Variants in KRT84 observed in about 807,000 individuals in gnomAD.
KRT84 encodes keratin, type II cuticular Hb4.
KRT84 carries 38 observed loss-of-function variants against 49.0 expected under a neutral mutation model. The observed-to-expected ratio is 0.78, with a 90% CI of 0.60 to 1.02. The LOEUF is 1.02. KRT84 is among the 50% of genes least tolerant of loss of function. KRT84 has a pLI of 0.00. For synonymous variants in KRT84, 334 were observed against 312.8 expected (o/e 1.07, Z -0.72); for missense variants, 860 against 788.6 (o/e 1.09, Z -1.08).
At position 52,381,462 on chromosome 12, in the gene KRT84, G is replaced by C; in HGVS notation, c.976C>G (p.Arg326Gly). The change falls in exon 5 of 9, where the codon CGT becomes GGT. Residue 326 changes from arginine to glycine, a missense_variant. Arg to Gly is a moderately radical substitution (Grantham distance 125, BLOSUM62 -2). Coordinates refer to ENST00000257951, the MANE Select transcript of KRT84 (RefSeq NM_033045.4). ...ATGATCCCATCAAGGTTCAGGTCAC[G>C]GCTGTTGTCCATCTTCACAATGACC... ...TSVIVKMDNS[R>G]DLNLDGIIAE... 6.2e-7 allele frequency: 1 copy of C among 1,614,120 alleles called. No individual in the cohort carries two copies. Among genetic ancestry groups the C allele is most frequent in the Non-Finnish European group, 8.5e-7 (1 of 1,180,020 alleles).
upstream of KRT84, chr12:52,385,695 T>G (rs1470064735): frequency 3.7e-6 from 4 of 1,080,982 alleles, no homozygotes; most frequent in Admixed American, 6.9e-5. Context: ...TGTGTGGTGA[T>G]CTGAGGCTTG....
rs747600631 is a variant in KRT84, at chr12:52,381,164, G to A, written c.1119C>T (p.Asn373=). The change falls in exon 6 of 9, where the codon AAC becomes AAT. Residue 373 remains asparagine, a synonymous_variant. Coordinates refer to ENST00000257951, the MANE Select transcript of KRT84 (RefSeq NM_033045.4). ...TGATCTCGTTCCGTATGTTGCGCAGGTTGTCACAGTGTTGGCCAGCTGTCA... is the reference window on the plus strand; with the variant it reads ...TGATCTCGTTCCGTATGTTGCGCAGATTGTCACAGTGTTGGCCAGCTGTCA... ...MQVTAGQHCD[N]LRNIRNEINE... 3.7e-6 allele frequency: 6 copies of A among 1,614,178 alleles called. No homozygotes were observed. Among genetic ancestry groups the A allele is most frequent in the Admixed American group, 1.7e-5 (1 of 60,024 alleles).
chr12:52,385,873 C>T (rs1565777670), upstream of KRT84, among the ~76,000 whole-genome samples: 1 of 152,176 alleles, frequency 6.6e-6, no homozygotes, highest in East Asian at 1.9e-4. Context: ...AACACATAAA[C>T]ATATAAACAT....
At chr12:52,380,992 T>G in intron 6 of KRT84, 88 bp downstream of exon 6, 1 of 1,518,002 alleles carries the variant, frequency 6.6e-7, no homozygotes, top group Non-Finnish European at 8.9e-7. Flanking sequence ...CTTGATGGTC[T>G]CCCTCACCTC....
upstream of KRT84, among the ~76,000 whole-genome samples, chr12:52,386,250 T>C (rs1054026253): frequency 3.3e-5 from 5 of 152,198 alleles, no homozygotes; most frequent in Non-Finnish European, 5.9e-5. Context: ...GACACATCTG[T>C]GATTTGAGAC....
intron 8 of KRT84, among the ~76,000 whole-genome samples, chr12:52,379,092 A>G (rs551289243): frequency 1.3e-5 from 2 of 152,162 alleles, no homozygotes; most frequent in African/African-American, 4.8e-5. Flanking sequence ...CACCGCCTCC[A>G]TGGGAGTGGG....
chr12:52,379,526 G>C (rs1334052800), intron 8 of KRT84, among the ~76,000 whole-genome samples: 2 of 152,216 alleles, frequency 1.3e-5, no homozygotes, highest in Non-Finnish European at 1.5e-5. Flanking sequence ...CAGGGGATGA[G>C]AGGCTCCCCT....
intron 8 of KRT84, among the ~76,000 whole-genome samples, chr12:52,379,631 G>C (rs1407509319): frequency 1.3e-5 from 2 of 152,210 alleles, no homozygotes; most frequent in Non-Finnish European, 2.9e-5. Flanking sequence ...AAAGCTGGCT[G>C]TCCTCCACTT....
chr12:52,380,664 G>T, intron 6 of KRT84, 81 bp from the exon 7 acceptor site: 1 of 1,386,348 alleles, frequency 7.2e-7, no homozygotes, highest in Non-Finnish European at 9.7e-7. Flanking sequence ...GCCCCTCTTA[G>T]TGGGAACATA....
chr12:52,385,482 G>A lies in KRT84; in HGVS notation c.104C>T (p.Ser35Phe). ...TCCAGGCCCACTCCAACAGGAGACA[G>A]AGTTGGCCCGGAAGCGATTCAGGTT... ...PQNLNRFRAN[S>F]VSCWSGPGFR... The change falls in exon 1 of 9, where the codon TCT becomes TTT. Residue 35 changes from serine to phenylalanine, a missense_variant. Ser to Phe is a radical substitution (Grantham distance 155). Coordinates refer to ENST00000257951, the MANE Select transcript of KRT84 (RefSeq NM_033045.4). 1.2e-6 allele frequency: 2 copies of A among 1,614,272 alleles called. No homozygotes were observed. Among genetic ancestry groups the A allele is most frequent in the Non-Finnish European group, 1.7e-6 (2 of 1,180,052 alleles).
chr12:52,385,152 C>A lies in KRT84; in HGVS notation c.434G>T (p.Ser145Ile), dbSNP rs1439471253. Residue 145 changes from serine (S) to isoleucine (I), a missense_variant, in exon 1 of 9, where the codon AGC becomes ATC. Coordinates refer to ENST00000257951, the MANE Select transcript of KRT84 (RefSeq NM_033045.4). ...CTCCAGGTTGAGGGGGGTCAGTAGG[C>A]TCTTGTTCACAGTCACAGCTGTGAT... ...PSITAVTVNKSLLTPLNLEID... is the reference protein window; with the variant it reads ...PSITAVTVNKILLTPLNLEID... 1 of 1,600,716 alleles carries A rather than the reference C, an allele frequency of 6.2e-7. No individual in the cohort carries two copies. The highest frequency in any genetic ancestry group is 1.3e-5 in the African/African-American group (1 of 74,764).
intron 4 of KRT84, among the ~76,000 whole-genome samples, chr12:52,381,908 G>C (rs991583552): frequency 6.6e-6 from 1 of 152,158 alleles, no homozygotes; most frequent in African/African-American, 2.4e-5. Context: ...AGCACATGGT[G>C]GTCTAGGAAT....
chr12:52,383,081 A>G lies in KRT84; in HGVS notation c.756-16T>C. The G allele has an allele frequency of 6.2e-7, 1 of 1,611,726 alleles. No homozygotes were observed. The highest frequency in any genetic ancestry group is 2.2e-5 in the East Asian group (1 of 44,870). ...CTCTTCATACCTGATGATAAAGGTT[A>G]AGAGGGTGAGTGCTTACTCTGAACT... On this transcript the variant is annotated splice_polypyrimidine_tract_variant and intron_variant, in intron 2 of 8. Transcript: ENST00000257951.
intron 4 of KRT84, 66 bp from the exon 5 acceptor site, chr12:52,381,591 AG>A: frequency 2.6e-6 from 4 of 1,525,820 alleles, no homozygotes; most frequent in Non-Finnish European, 2.7e-6. Flanking sequence ...ACTCTGCCAC[AG>A]GGGGCCCAGG....
intron 8 of KRT84, 69 bp downstream of exon 8, chr12:52,379,807 G>T: frequency 7.4e-7 from 1 of 1,349,660 alleles, no homozygotes; most frequent in Non-Finnish European, 1.1e-6. Context: ...TGACCCCAGT[G>T]TGAGCCTGAG....
intron 8 of KRT84, 143 bp downstream of exon 8, chr12:52,379,733 C>T (rs1254672862): frequency 4.3e-6 from 3 of 704,516 alleles, no homozygotes; most frequent in Non-Finnish European, 7.7e-6. Flanking sequence ...TGCTCCCCAT[C>T]CAGGGCTGGA....
In KRT84 at chr12:52,381,344, C is replaced by T. The variant is rs758051534; in HGVS notation, c.1077+17G>A. The T allele has an allele frequency of 9.3e-6, 15 of 1,614,006 alleles. No homozygotes were observed. The highest frequency in any genetic ancestry group is 1.6e-4 in the Middle Eastern group (1 of 6,084). Reference sequence around the variant, plus strand: ...CCCAGAGCTGCCTACATCCCTTCCCCAGCCTCCACTGCCCACCTTGGTCTG... The same window carrying T: ...CCCAGAGCTGCCTACATCCCTTCCCTAGCCTCCACTGCCCACCTTGGTCTG... On this transcript the variant is annotated intron_variant, in intron 5 of 8. Coordinates refer to ENST00000257951, the MANE Select transcript of KRT84 (RefSeq NM_033045.4).
Position 52,383,026 on chromosome 12 carries a change from A to G in KRT84, c.795T>C (p.Asn265=). 1 of 1,613,954 alleles carries G rather than the reference A, an allele frequency of 6.2e-7. No homozygotes were observed. Among genetic ancestry groups the G allele is most frequent in the Non-Finnish European group, 8.5e-7 (1 of 1,179,976 alleles). The part of the protein sequence containing the change: ...EEVVCRANAE[N]EFVALKKDVD... ...TTACCTTCTTCAGAGCCACAAACTCATTCTCAGCATTGGCCCGACATACCA... is the reference window on the plus strand; with the variant it reads ...TTACCTTCTTCAGAGCCACAAACTCGTTCTCAGCATTGGCCCGACATACCA... The change falls in exon 3 of 9, where the codon AAT becomes AAC. Residue 265 remains asparagine (N), a synonymous_variant. Transcript: ENST00000257951.
intron 8 of KRT84, among the ~76,000 whole-genome samples, chr12:52,378,854 C>T (rs572738395): frequency 1.1e-4 from 17 of 152,342 alleles, no homozygotes; most frequent in Non-Finnish European, 2.5e-4. Flanking sequence ...TCGCCTCTCT[C>T]CTGACCCACT....
Sources: gnomAD v4.1 joint callset for allele counts (sites outside exome capture counted in the v4.1 genomes callset) on GRCh38, gnomAD v4.1.1 for gene constraint, MANE v1.5 for transcripts, NCBI Gene and HGNC (gene_info 2026-07-23, HGNC 2026-07-21) for gene names.